Variants in LRMDA observed in about 807,000 individuals in gnomAD.
LRMDA encodes the protein leucine rich melanocyte differentiation associated.
In LRMDA, 18 loss-of-function variants were observed where a neutral mutation model predicts 29.8. The ratio of observed to expected loss-of-function variants is 0.60; its 90% CI spans 0.42 to 0.90. LRMDA has a LOEUF of 0.90. Among genes scored for constraint, LRMDA ranks in the 40% least tolerant of loss-of-function variants. The probability of loss-of-function intolerance (pLI) is 0.00; values close to 1 mark genes in which losing one functional copy is unlikely to be tolerated. For synonymous variants in LRMDA, 125 were observed against 109.4 expected (o/e 1.14, Z -0.89); for missense variants, 273 against 273.9 (o/e 1.00, Z 0.02).
chr10:75,725,606 A>G (rs1245489706), intron 2 of LRMDA, among the ~76,000 whole-genome samples: 3 of 152,202 alleles, frequency 2.0e-5, no homozygotes, highest in Admixed American at 6.5e-5. Context: ...ATGACAGGCC[A>G]TTAGGTCTCA....
chr10:76,422,746 G>A (rs1842083348), intron 6 of LRMDA, among the ~76,000 whole-genome samples: 1 of 152,244 alleles, frequency 6.6e-6, no homozygotes, highest in East Asian at 1.9e-4. Flanking sequence ...AAGAATAGAA[G>A]TGAAAGGTTT....
chr10:76,415,341 T>C (rs1842003488), intron 6 of LRMDA, among the ~76,000 whole-genome samples: 1 of 152,190 alleles, frequency 6.6e-6, no homozygotes, highest in Admixed American at 6.5e-5. Flanking sequence ...CAGAAGAGCT[T>C]TAGTTCCATT....
intron 6 of LRMDA, among the ~76,000 whole-genome samples, chr10:76,444,112 G>C (rs1842330220): frequency 6.6e-6 from 1 of 152,144 alleles, no homozygotes; most frequent in South Asian, 2.1e-4. Flanking sequence ...GCTATTCCCT[G>C]GGTGGGGTGT....
At chr10:76,405,372 G>A (rs1841891903) in intron 6 of LRMDA, among the ~76,000 whole-genome samples, 1 of 152,180 alleles carries the variant, frequency 6.6e-6, no homozygotes, top group Non-Finnish European at 1.5e-5. Context: ...AATAAACGCT[G>A]CATTAGATTT....
chr10:76,130,517 G>GAAGCTGTTGT (rs913503235), intron 5 of LRMDA, among the ~76,000 whole-genome samples: 2 of 152,190 alleles, frequency 1.3e-5, no homozygotes, highest in Admixed American at 6.5e-5. Flanking sequence ...TCTTCGGTCA[G>GAAGCTGTTGT]AAGCTGTTGT....
chr10:75,634,423 A>G (rs535798734), intron 2 of LRMDA, among the ~76,000 whole-genome samples: 1 of 152,296 alleles, frequency 6.6e-6, no homozygotes, highest in African/African-American at 2.4e-5. Context: ...CAAAATCCTT[A>G]TCTCTGACTT....
intron 5 of LRMDA, among the ~76,000 whole-genome samples, chr10:76,169,981 G>A (rs10824378): frequency 0.37 from 55,887 of 151,956 alleles, 12,139 homozygotes; most frequent in East Asian, 0.77. Context: ...CATTTCTCCA[G>A]TGAAGTTTCC....
chr10:76,382,361 G>C (rs57778837), intron 6 of LRMDA, among the ~76,000 whole-genome samples: 5 of 152,168 alleles, frequency 3.3e-5, no homozygotes, highest in Non-Finnish European at 5.9e-5. Context: ...AACAAACCTC[G>C]ATGATTTTCC....
At chr10:75,849,244 A>G (rs17434621) in intron 2 of LRMDA, among the ~76,000 whole-genome samples, 25,446 of 151,666 alleles carry the variant, frequency 0.17, 2,672 homozygotes, top group South Asian at 0.26. Context: ...CCAGCATTGC[A>G]TTTCTTCTTA....
intron 1 of LRMDA, among the ~76,000 whole-genome samples, chr10:75,434,734 G>T (rs1403738436): frequency 6.6e-6 from 1 of 152,208 alleles, no homozygotes; most frequent in Non-Finnish European, 1.5e-5. Flanking sequence ...ATACAGGTGT[G>T]CACCACTGTG....
chr10:76,042,526 C>G (rs1015170078), intron 3 of LRMDA, among the ~76,000 whole-genome samples: 1 of 152,034 alleles, frequency 6.6e-6, no homozygotes, highest in South Asian at 2.1e-4. Flanking sequence ...CTCTTAAATA[C>G]TATATAATCA....
chr10:76,062,067 T>TA (rs1261641242), intron 5 of LRMDA, among the ~76,000 whole-genome samples: 1 of 151,958 alleles, frequency 6.6e-6, no homozygotes, highest in Non-Finnish European at 1.5e-5. Flanking sequence ...TTCTGGGAGG[T>TA]ATGTGTACAC....
chr10:76,545,638 T>TTTATTATTA (rs143193002), intron 6 of LRMDA, among the ~76,000 whole-genome samples: 21,830 of 143,578 alleles, frequency 0.15, 1,880 homozygotes, highest in Middle Eastern at 0.28. Context: ...GGAACAACCT[T>TTTATTATTA]TTATTATTAT....
At chr10:75,734,672 A>G (rs1842739495) in intron 2 of LRMDA, among the ~76,000 whole-genome samples, 1 of 152,250 alleles carries the variant, frequency 6.6e-6, no homozygotes, top group African/African-American at 2.4e-5. Flanking sequence ...TGCAGAGGAC[A>G]GGGCAGACCT....
chr10:75,610,963 C>G (rs1474301954), intron 2 of LRMDA, among the ~76,000 whole-genome samples: 7 of 152,054 alleles, frequency 4.6e-5, no homozygotes, highest in Admixed American at 4.6e-4. Flanking sequence ...GAGTAATGAA[C>G]TATTCTGCTG....
intron 2 of LRMDA, among the ~76,000 whole-genome samples, chr10:75,999,467 A>G (rs1847525062): frequency 6.6e-6 from 1 of 152,228 alleles, no homozygotes; most frequent in African/African-American, 2.4e-5. Flanking sequence ...GTTTATAGTA[A>G]GTCAAAATGC....
intron 6 of LRMDA, among the ~76,000 whole-genome samples, chr10:76,471,978 G>T (rs1367741043): frequency 6.6e-6 from 1 of 151,710 alleles, no homozygotes; most frequent in Non-Finnish European, 1.5e-5. Flanking sequence ...AACAATAATA[G>T]TTGTAGTGTT....
chr10:75,849,272 G>A (rs751170898), intron 2 of LRMDA, among the ~76,000 whole-genome samples: 13 of 152,026 alleles, frequency 8.6e-5, no homozygotes, highest in Non-Finnish European at 1.8e-4. Context: ...ACTTGAAGCA[G>A]TTCCTATTTT....
intron 2 of LRMDA, among the ~76,000 whole-genome samples, chr10:75,911,486 TC>T (rs1380633078): frequency 6.6e-6 from 1 of 152,202 alleles, no homozygotes; most frequent in African/African-American, 2.4e-5. Flanking sequence ...TGGGTCGTTC[TC>T]TGGATGTAGG....
Sources: allele counts gnomAD v4.1 joint callset (sites outside exome capture counted in the v4.1 genomes callset), GRCh38; gene constraint gnomAD v4.1.1; transcripts MANE v1.5; gene names NCBI Gene and HGNC (gene_info 2026-07-23, HGNC 2026-07-21).